SDK1: variants seen among roughly 807,000 people sequenced by gnomAD.
SDK1 encodes the protein sidekick cell adhesion molecule 1, also known as protein sidekick-1.
In SDK1, 157 loss-of-function variants were observed where a neutral mutation model predicts 245.5. That is an observed-to-expected ratio of 0.64 (90% CI 0.56 to 0.73). The LOEUF (loss-of-function observed/expected upper bound fraction) is 0.73, where lower values mean the gene tolerates loss of function less well. SDK1 is among the 30% of genes least tolerant of loss of function. SDK1 has a pLI of 0.00. For synonymous variants in SDK1, 1,647 were observed against 1,278.5 expected (o/e 1.29, Z -6.15); for missense variants, 3,583 against 3,002.3 (o/e 1.19, Z -4.52).
intron 4 of SDK1, among the ~76,000 whole-genome samples, chr7:3,695,521 T>C (rs528477358): frequency 2.0e-4 from 31 of 152,354 alleles, no homozygotes; most frequent in Admixed American, 6.5e-4. Context: ...GATTATATCA[T>C]AGGTGTTTTC....
intron 1 of SDK1, among the ~76,000 whole-genome samples, chr7:3,494,989 T>C (rs956286384): frequency 3.3e-5 from 5 of 152,298 alleles, no homozygotes; most frequent in African/African-American, 1.2e-4. Context: ...GCAGCTGTTA[T>C]CTCCTGTCAG....
At chr7:3,845,850 G>A (rs1016139250) in intron 5 of SDK1, among the ~76,000 whole-genome samples, 4 of 152,130 alleles carry the variant, frequency 2.6e-5, no homozygotes, top group East Asian at 1.9e-4. Flanking sequence ...TTTAGAAAGC[G>A]GATGAATTGG....
chr7:4,185,161 A>T (rs866128384), intron 35 of SDK1, among the ~76,000 whole-genome samples: 1 of 151,942 alleles, frequency 6.6e-6, no homozygotes, highest in Non-Finnish European at 1.5e-5. Context: ...GAAGAAGGGG[A>T]CTCGGGCATT....
chr7:4,116,197 C>A (rs544701441), intron 25 of SDK1, among the ~76,000 whole-genome samples: 33 of 152,284 alleles, frequency 2.2e-4, no homozygotes, highest in African/African-American at 7.9e-4. Flanking sequence ...CAGATCAGCT[C>A]CCAGCAATAA....
chr7:4,119,710 C>G (rs1368423971), intron 25 of SDK1, among the ~76,000 whole-genome samples: 1 of 149,020 alleles, frequency 6.7e-6, no homozygotes, highest in Non-Finnish European at 1.5e-5. Context: ...AAAATGATTC[C>G]TCTCTGGAGA....
At chr7:3,853,324 T>C (rs1366255076) in intron 5 of SDK1, among the ~76,000 whole-genome samples, 1 of 152,160 alleles carries the variant, frequency 6.6e-6, no homozygotes, top group East Asian at 1.9e-4. Context: ...ATCTATTAAG[T>C]ACCAGCTGCT....
In SDK1 at chr7:4,233,951, A is replaced by G. The variant is rs138849787; in HGVS notation, c.5992+532A>G. Reference sequence around the variant, plus strand: ...ACATGGAAGTGTCAGAGGTGTGAGCATGAGCCACGTGGTGTCCCCTCCGCA... The same window carrying G: ...ACATGGAAGTGTCAGAGGTGTGAGCGTGAGCCACGTGGTGTCCCCTCCGCA... On this transcript the variant is annotated intron_variant, in intron 41 of 44. Coordinates refer to ENST00000404826, the MANE Select transcript of SDK1 (RefSeq NM_152744.4). Among the ~76,000 whole-genome samples, 160 of 152,330 alleles carry G rather than the reference A, an allele frequency of 1.1e-3. 1 individual carries two copies. The highest frequency in any genetic ancestry group is 3.7e-3 in the African/African-American group (153 of 41,564).
chr7:3,787,255 C>T (rs1780932741), intron 4 of SDK1, among the ~76,000 whole-genome samples: 1 of 151,422 alleles, frequency 6.6e-6, no homozygotes, highest in Admixed American at 6.6e-5. Context: ...CACCTAATTA[C>T]CTGACATTGT....
intron 13 of SDK1, among the ~76,000 whole-genome samples, chr7:3,979,676 T>C (rs1226931510): frequency 6.6e-6 from 1 of 152,152 alleles, no homozygotes; most frequent in East Asian, 1.9e-4. Flanking sequence ...ACAAGACAAG[T>C]CATCATTAAA....
At chr7:3,866,865 T>C (rs1028397612) in intron 5 of SDK1, among the ~76,000 whole-genome samples, 1 of 152,136 alleles carries the variant, frequency 6.6e-6, no homozygotes, top group African/African-American at 2.4e-5. Flanking sequence ...GAGTTTGACC[T>C]TGAACCCATT....
rs1288975307 is a variant in SDK1, at chr7:3,766,210, TC to T, written c.714-55239del. 1.2e-4 allele frequency among the ~76,000 whole-genome samples: 19 copies of T among 152,340 alleles called. No homozygotes were observed. In the East Asian group the frequency reaches 2.1e-3, roughly 17 times the overall value. On this transcript the variant is annotated intron_variant, in intron 4 of 44. Transcript: ENST00000404826. ...GGACATTATTCTTATCTCCACAGTA[TC>T]TCATTTGCATTAGTTAATATTAAAT...
intron 1 of SDK1, among the ~76,000 whole-genome samples, chr7:3,608,992 T>C (rs909443266): frequency 6.6e-6 from 1 of 152,242 alleles, no homozygotes; most frequent in Admixed American, 6.5e-5. Flanking sequence ...TGTGAGAATC[T>C]AGTTGTCCTT....
At chr7:3,566,468 G>C (rs1779922439) in intron 1 of SDK1, among the ~76,000 whole-genome samples, 1 of 151,894 alleles carries the variant, frequency 6.6e-6, no homozygotes, top group Non-Finnish European at 1.5e-5. Context: ...CTCGTGATCT[G>C]CCTGCCTCGG....
intron 1 of SDK1, among the ~76,000 whole-genome samples, chr7:3,432,128 T>C (rs1219978548): frequency 6.8e-6 from 1 of 147,636 alleles, no homozygotes; most frequent in Non-Finnish European, 1.5e-5. Context: ...AAAAAAAATA[T>C]ATATATGTAT....
intron 5 of SDK1, among the ~76,000 whole-genome samples, chr7:3,854,750 T>G (rs1780499511): frequency 6.6e-6 from 1 of 152,154 alleles, no homozygotes; most frequent in Non-Finnish European, 1.5e-5. Context: ...TGAAGTACCT[T>G]CTGCAGCCAC....
intron 1 of SDK1, among the ~76,000 whole-genome samples, chr7:3,477,744 C>T (rs758803158): frequency 6.6e-6 from 1 of 152,006 alleles, no homozygotes; most frequent in Non-Finnish European, 1.5e-5. Context: ...GAACCTCTAG[C>T]TTAAAGTGAA....
At chr7:3,951,655 C>G (rs190274919) in intron 6 of SDK1, 75 bp from the exon 7 acceptor site, 1 of 1,363,952 alleles carries the variant, frequency 7.3e-7, no homozygotes, top group Non-Finnish European at 1.0e-6. Context: ...AAGCCTGTGC[C>G]GAGTGCCTGA....
intron 13 of SDK1, among the ~76,000 whole-genome samples, chr7:3,982,576 C>G (rs1028116880): frequency 7.9e-5 from 12 of 152,078 alleles, no homozygotes; most frequent in Non-Finnish European, 5.9e-5. Context: ...CGCGGTGGCT[C>G]ACGCCTGTAA....
intron 1 of SDK1, among the ~76,000 whole-genome samples, chr7:3,542,591 A>G (rs1233015851): frequency 6.6e-6 from 1 of 152,232 alleles, no homozygotes; most frequent in Non-Finnish European, 1.5e-5. Flanking sequence ...TTAAAATAGC[A>G]TTGATCTTTT....
Sources: gnomAD v4.1 joint callset for allele counts (sites outside exome capture counted in the v4.1 genomes callset) on GRCh38, gnomAD v4.1.1 for gene constraint, MANE v1.5 for transcripts, NCBI Gene and HGNC (gene_info 2026-07-23, HGNC 2026-07-21) for gene names.